SMOC2: variants seen among roughly 807,000 people sequenced by gnomAD.
SMOC2 encodes the protein SPARC-related modular calcium-binding protein 2.
A neutral mutation model predicts 61.4 loss-of-function variants in SMOC2; 39 were observed. The ratio of observed to expected loss-of-function variants is 0.64; its 90% confidence interval spans 0.49 to 0.83. The LOEUF (loss-of-function observed/expected upper bound fraction) is 0.83, where lower values mean the gene tolerates loss of function less well. Ranked by LOEUF, SMOC2 falls within the 40% of genes least tolerant of loss-of-function variation. The pLI, the probability that SMOC2 is intolerant of heterozygous loss-of-function variation, is 0.00. For synonymous variants in SMOC2, 247 were observed against 239.9 expected (o/e 1.03, Z -0.27); for missense variants, 556 against 592.9 (o/e 0.94, Z 0.65).
chr6:168,485,811 A>C (rs1306086668), intron 1 of SMOC2, among the ~76,000 whole-genome samples: 3 of 152,204 alleles, frequency 2.0e-5, no homozygotes, highest in African/African-American at 7.2e-5. Flanking sequence ...ATTTGAATGG[A>C]TGAATTGTGT....
intron 4 of SMOC2, among the ~76,000 whole-genome samples, chr6:168,532,817 TC>T (rs1783641981): frequency 6.6e-6 from 1 of 152,126 alleles, no homozygotes; most frequent in African/African-American, 2.4e-5. Flanking sequence ...CCCCAGCCTA[TC>T]CCTGCCTTCT....
At chr6:168,574,860 G>A (rs1784759313) in intron 7 of SMOC2, among the ~76,000 whole-genome samples, 1 of 152,186 alleles carries the variant, frequency 6.6e-6, no homozygotes, top group Non-Finnish European at 1.5e-5. Flanking sequence ...TGACATGGGG[G>A]CCGGCCACCG....
chr6:168,513,844 C>T (rs2248677), intron 2 of SMOC2, among the ~76,000 whole-genome samples: 37,830 of 152,154 alleles, frequency 0.25, 5,339 homozygotes, highest in East Asian at 0.4. Context: ...GCAGCATCCT[C>T]CAGGTGGGAA....
At chr6:168,635,292 G>A (rs1353470852) in intron 9 of SMOC2, among the ~76,000 whole-genome samples, 2 of 152,200 alleles carry the variant, frequency 1.3e-5, no homozygotes, top group Non-Finnish European at 2.9e-5. Flanking sequence ...TCATCTAGCT[G>A]TGGAGGTTTA....
intron 1 of SMOC2, among the ~76,000 whole-genome samples, chr6:168,490,040 G>A (rs949615753): frequency 2.7e-5 from 4 of 147,160 alleles, no homozygotes; most frequent in African/African-American, 1.0e-4. Flanking sequence ...GAAATATGTC[G>A]AATCATCTGG....
At chr6:168,552,600 C>T (rs367943668) in intron 7 of SMOC2, among the ~76,000 whole-genome samples, 1 of 152,204 alleles carries the variant, frequency 6.6e-6, no homozygotes, top group Non-Finnish European at 1.5e-5. Flanking sequence ...CATGTGCACA[C>T]TAGCAAGATG....
intron 7 of SMOC2, among the ~76,000 whole-genome samples, chr6:168,564,013 C>T (rs896148874): frequency 5.3e-5 from 8 of 152,094 alleles, no homozygotes; most frequent in Admixed American, 1.3e-4. Context: ...GCCTTGGAGA[C>T]GCAATTTAAG....
intron 9 of SMOC2, among the ~76,000 whole-genome samples, chr6:168,624,218 T>A (rs936677071): frequency 6.6e-6 from 1 of 152,186 alleles, no homozygotes; most frequent in African/African-American, 2.4e-5. Flanking sequence ...TGTGAGGAAG[T>A]GTTATTGATT....
chr6:168,490,122 G>A (rs1036517294), intron 1 of SMOC2, among the ~76,000 whole-genome samples: 1 of 150,140 alleles, frequency 6.7e-6, no homozygotes, highest in Admixed American at 6.7e-5. Flanking sequence ...CACAGTTTTA[G>A]AGTGAAATAT....
chr6:168,549,201 C>T lies in SMOC2; in HGVS notation c.635C>T (p.Ser212Leu), dbSNP rs140807244. 886 of 1,613,714 alleles carry T rather than the reference C, an allele frequency of 5.5e-4. 4 individuals are homozygous for T. The African/African-American group carries it at 0.011, about 20-fold the overall frequency. Residue 212 changes from serine (S) to leucine (L), a missense_variant and splice_region_variant, in exon 7 of 13, where the codon TCA becomes TTA. Transcript: ENST00000356284. ...KSRQNKTNKN[S>L]VSSCDQEHQS... Reference sequence around the variant, plus strand: ...CGGCAGAACAAAACCAATAAGAATTCAGGTAAGATGCTGCCTGATGTCACT... The same window carrying T: ...CGGCAGAACAAAACCAATAAGAATTTAGGTAAGATGCTGCCTGATGTCACT...
intron 4 of SMOC2, among the ~76,000 whole-genome samples, chr6:168,533,995 C>G (rs1783674577): frequency 6.6e-6 from 1 of 152,150 alleles, no homozygotes. Context: ...CTTGTAATCC[C>G]AGCACTGTGG....
At chr6:168,449,986 G>GT (rs1410019294) in intron 1 of SMOC2, among the ~76,000 whole-genome samples, 1 of 152,206 alleles carries the variant, frequency 6.6e-6, no homozygotes, top group Non-Finnish European at 1.5e-5. Flanking sequence ...CCCAAGGACA[G>GT]TGAGTTTCAA....
intron 11 of SMOC2, among the ~76,000 whole-genome samples, chr6:168,656,292 C>T (rs955328805): frequency 2.6e-5 from 4 of 151,960 alleles, no homozygotes; most frequent in Admixed American, 6.6e-5. Context: ...GGGTGGATCA[C>T]CTGCGGTCAG....
chr6:168,500,838 G>C (rs1233483702), intron 1 of SMOC2, among the ~76,000 whole-genome samples: 1 of 152,182 alleles, frequency 6.6e-6, no homozygotes, highest in Non-Finnish European at 1.5e-5. Flanking sequence ...TCATCCAGGG[G>C]CATCTCGATT....
At chr6:168,529,823 C>T (rs1360167302) in intron 4 of SMOC2, among the ~76,000 whole-genome samples, 1 of 152,180 alleles carries the variant, frequency 6.6e-6, no homozygotes, top group Admixed American at 6.5e-5. Context: ...AGCAGAGAAG[C>T]GGGCATCACC....
chr6:168,579,342 C>G (rs1784875322), intron 7 of SMOC2, among the ~76,000 whole-genome samples: 1 of 152,250 alleles, frequency 6.6e-6, no homozygotes, highest in Non-Finnish European at 1.5e-5. Context: ...CTTATGCCGC[C>G]TGTCACAGTC....
intron 7 of SMOC2, among the ~76,000 whole-genome samples, chr6:168,584,085 G>C (rs185402459): frequency 2.4e-4 from 36 of 152,378 alleles, no homozygotes; most frequent in African/African-American, 8.2e-4. Flanking sequence ...GGGGAGCCAG[G>C]CCGGCCAATA....
At chr6:168,445,932 G>A (rs1216307110) in intron 1 of SMOC2, among the ~76,000 whole-genome samples, 1 of 152,206 alleles carries the variant, frequency 6.6e-6, no homozygotes, top group African/African-American at 2.4e-5. Context: ...GCTCAGAACC[G>A]AACAGATTTC....
intron 9 of SMOC2, among the ~76,000 whole-genome samples, chr6:168,641,961 A>G (rs1211552724): frequency 1.3e-5 from 2 of 152,270 alleles, no homozygotes; most frequent in Non-Finnish European, 2.9e-5. Context: ...GTGAATATAG[A>G]AAATATAGAA....
Sources: allele counts gnomAD v4.1 joint callset (sites outside exome capture counted in the v4.1 genomes callset), GRCh38; gene constraint gnomAD v4.1.1; transcripts MANE v1.5; gene names NCBI Gene and HGNC (gene_info 2026-07-23, HGNC 2026-07-21).